Variants in NELL1 observed in about 807,000 individuals in gnomAD.
NELL1 encodes protein kinase C-binding protein NELL1.
In NELL1, 76 loss-of-function variants were observed where a neutral mutation model predicts 107.4. That is an observed-to-expected ratio of 0.71 (90% CI 0.59 to 0.86). The LOEUF (loss-of-function observed/expected upper bound fraction) is 0.86, where lower values mean the gene tolerates loss of function less well. NELL1 is among the 40% of genes least tolerant of loss of function. The pLI is 0.00. For synonymous variants in NELL1, 353 were observed against 341.2 expected (o/e 1.03, Z -0.38); for missense variants, 1,024 against 1,005.5 (o/e 1.02, Z -0.25).
At chr11:20,892,947 AC>A (rs1283099535) in intron 5 of NELL1, among the ~76,000 whole-genome samples, 24 of 143,782 alleles carry the variant, frequency 1.7e-4, no homozygotes, top group African/African-American at 5.6e-4. Context: ...AAAAAAAAAA[AC>A]AGACACATGT....
intron 3 of NELL1, among the ~76,000 whole-genome samples, chr11:20,833,289 C>CATT (rs113832089): frequency 1.3e-4 from 20 of 151,330 alleles, no homozygotes; most frequent in South Asian, 6.3e-4. Context: ...AAATGTTAGC[C>CATT]ATTATTATTA....
chr11:21,383,595 T>C (rs1323935401), intron 15 of NELL1, among the ~76,000 whole-genome samples: 1 of 151,446 alleles, frequency 6.6e-6, no homozygotes, highest in African/African-American at 2.4e-5. Context: ...AAATGCACCT[T>C]AATTTTTCAA....
intron 12 of NELL1, among the ~76,000 whole-genome samples, chr11:21,095,414 A>AT (rs1338800255): frequency 2.6e-5 from 4 of 151,908 alleles, no homozygotes; most frequent in African/African-American, 9.7e-5. Context: ...TCGCTTCCAC[A>AT]TTTTTGGGTA....
chr11:21,490,707 C>A (rs183733212), intron 15 of NELL1, among the ~76,000 whole-genome samples: 7 of 151,928 alleles, frequency 4.6e-5, no homozygotes, highest in Non-Finnish European at 7.4e-5. Flanking sequence ...GGAAAGAACA[C>A]GGTCCTCAAT....
intron 14 of NELL1, among the ~76,000 whole-genome samples, chr11:21,309,769 G>A (rs1849708477): frequency 1.3e-5 from 2 of 151,982 alleles, no homozygotes; most frequent in Admixed American, 1.3e-4. Flanking sequence ...TACAGGGAAA[G>A]TCCCAGTTTT....
chr11:21,375,419 A>G (rs1377163868), intron 15 of NELL1, among the ~76,000 whole-genome samples: 2 of 152,140 alleles, frequency 1.3e-5, no homozygotes, highest in Non-Finnish European at 1.5e-5. Context: ...TCCATGGTGT[A>G]TATGTACCAT....
intron 2 of NELL1, among the ~76,000 whole-genome samples, chr11:20,691,192 A>T (rs570077375): frequency 6.6e-6 from 1 of 152,100 alleles, no homozygotes; most frequent in Non-Finnish European, 1.5e-5. Flanking sequence ...GGCTGAGACA[A>T]TGGCGTTTTC....
intron 13 of NELL1, among the ~76,000 whole-genome samples, chr11:21,173,150 C>G (rs1327035328): frequency 3.3e-5 from 5 of 151,774 alleles, no homozygotes; most frequent in Non-Finnish European, 5.9e-5. Flanking sequence ...CCTACAACTT[C>G]TCAGAAATAT....
chr11:20,735,347 G>T (rs536924449), intron 2 of NELL1, among the ~76,000 whole-genome samples: 2 of 152,202 alleles, frequency 1.3e-5, no homozygotes, highest in Non-Finnish European at 2.9e-5. Flanking sequence ...TTGCATGGCT[G>T]GGAGGCCTCA....
At chr11:21,309,844 A>G (rs760155971) in intron 14 of NELL1, among the ~76,000 whole-genome samples, 1 of 152,064 alleles carries the variant, frequency 6.6e-6, no homozygotes, top group South Asian at 2.1e-4. Context: ...GACGCACCCC[A>G]TTAATTCAGT....
intron 12 of NELL1, among the ~76,000 whole-genome samples, chr11:21,017,460 G>A (rs1383965574): frequency 1.3e-5 from 2 of 152,012 alleles, no homozygotes. Context: ...CCAATGTTAT[G>A]ATTATCTCTA....
At chr11:21,048,841 C>G (rs1302196345) in intron 12 of NELL1, among the ~76,000 whole-genome samples, 1 of 152,096 alleles carries the variant, frequency 6.6e-6, no homozygotes, top group East Asian at 1.9e-4. Flanking sequence ...GCTTGCTGCC[C>G]TTTATTGTTC....
At chr11:20,880,860 G>T (rs2134100290) in intron 4 of NELL1, among the ~76,000 whole-genome samples, 1 of 152,306 alleles carries the variant, frequency 6.6e-6, no homozygotes, top group South Asian at 2.1e-4. Flanking sequence ...CCAGGCAGCT[G>T]AAAGGGAGAA....
intron 13 of NELL1, among the ~76,000 whole-genome samples, chr11:21,183,888 C>T (rs1021040267): frequency 2.6e-5 from 4 of 151,826 alleles, no homozygotes; most frequent in Non-Finnish European, 5.9e-5. Context: ...AATAGCTTCA[C>T]TAGTCTGAAA....
Position 21,199,960 on chromosome 11 carries a change from T to G in NELL1, c.1427-29372T>G, listed in dbSNP as rs145346801. On this transcript the variant is annotated intron_variant, in intron 13 of 19. Coordinates refer to ENST00000357134, the MANE Select transcript of NELL1 (RefSeq NM_006157.5). The stretch of plus-strand genomic sequence containing the variant: ...CGGTTTACAGCTTCATCCATGTCCC[T>G]GCAAATGACGTGAACCCATCCGTTT... Among the ~76,000 whole-genome samples, 283 of 152,300 alleles carry G rather than the reference T, an allele frequency of 1.9e-3. 1 individual carries two copies. The highest frequency in any genetic ancestry group is 6.6e-3 in the African/African-American group (275 of 41,558).
intron 12 of NELL1, among the ~76,000 whole-genome samples, chr11:21,094,799 C>A (rs1287960900): frequency 6.6e-6 from 1 of 152,168 alleles, no homozygotes; most frequent in Non-Finnish European, 1.5e-5. Flanking sequence ...CTGGGCCTGG[C>A]CCACAAAACC....
intron 11 of NELL1, 84 bp from the exon 12 acceptor site, chr11:20,960,348 T>C (rs2280584): frequency 0.31 from 425,723 of 1,356,560 alleles, 70,227 homozygotes; most frequent in East Asian, 0.55. Context: ...TAGTGACATA[T>C]AATAAAAAAT....
chr11:21,039,450 T>C (rs920899000), intron 12 of NELL1, among the ~76,000 whole-genome samples: 6 of 152,150 alleles, frequency 3.9e-5, no homozygotes, highest in Non-Finnish European at 8.8e-5. Context: ...CCTCCCAAAG[T>C]GCTGGGATTA....
intron 15 of NELL1, among the ~76,000 whole-genome samples, chr11:21,461,369 G>T (rs1339853146): frequency 6.6e-6 from 1 of 152,036 alleles, no homozygotes; most frequent in Non-Finnish European, 1.5e-5. Flanking sequence ...TGAGCAGTTC[G>T]ATATTAAGAA....
Sources: allele counts gnomAD v4.1 joint callset (sites outside exome capture counted in the v4.1 genomes callset), GRCh38; gene constraint gnomAD v4.1.1; transcripts MANE v1.5; gene names NCBI Gene and HGNC (gene_info 2026-07-23, HGNC 2026-07-21).